POP4: variants seen among roughly 807,000 people sequenced by gnomAD.
POP4 encodes the protein ribonuclease P protein subunit p29.
In POP4, 31 loss-of-function variants were observed where a neutral mutation model predicts 29.9. The ratio of observed to expected loss-of-function variants is 1.04; its 90% confidence interval spans 0.78 to 1.40. The LOEUF (loss-of-function observed/expected upper bound fraction) is 1.40, where lower values mean the gene tolerates loss of function less well. Among genes scored for constraint, POP4 ranks in the 40% most tolerant of loss-of-function variants. The probability of loss-of-function intolerance (pLI) is 0.00; values close to 1 mark genes in which losing one functional copy is unlikely to be tolerated. For missense variants in POP4, 286 were observed against 282.7 expected (o/e 1.01, Z -0.08); for synonymous variants, 110 against 108.2 (o/e 1.02, Z -0.10).
At chr19:29,615,167 T>C in intron 6 of POP4, 77 bp from the exon 7 acceptor site, 1 of 1,417,280 alleles carries the variant, frequency 7.1e-7, no homozygotes, top group Non-Finnish European at 9.3e-7. Flanking sequence ...CTGAATAATA[T>C]TCTACCTAAA....
chr19:29,608,931 G>C (rs1971035088), intron 2 of POP4: 4 of 520,842 alleles, frequency 7.7e-6, no homozygotes, highest in Non-Finnish European at 6.9e-6. Flanking sequence ...GTAAAATGAG[G>C]CTTTCCTTAA....
chr19:29,611,504 G>A (rs967784401), intron 3 of POP4: 2 of 233,574 alleles, frequency 8.6e-6, no homozygotes, highest in South Asian at 5.3e-5. Context: ...GAGGACCTGC[G>A]TGACAACCAG....
intron 3 of POP4, 179 bp from the exon 4 acceptor site, chr19:29,611,683 G>T: frequency 1.7e-6 from 1 of 602,530 alleles, no homozygotes. Context: ...ACTGAGGTTA[G>T]AGAGGTGTAG....
chr19:29,608,555 C>T, intron 1 of POP4, 102 bp from the exon 2 acceptor site: 2 of 1,180,676 alleles, frequency 1.7e-6, no homozygotes, highest in Admixed American at 3.5e-5. Flanking sequence ...CAGGTATGAG[C>T]CACTGCGCCT....
intron 1 of POP4, among the ~76,000 whole-genome samples, chr19:29,607,508 C>T (rs1971013762): frequency 6.6e-6 from 1 of 151,960 alleles, no homozygotes; most frequent in Non-Finnish European, 1.5e-5. Context: ...CAAACATTCT[C>T]AGGGAAGTAC....
chr19:29,608,370 G>A (rs891689505), intron 1 of POP4, among the ~76,000 whole-genome samples: 14 of 146,330 alleles, frequency 9.6e-5, no homozygotes, highest in African/African-American at 2.3e-4. Flanking sequence ...AGGTTCCAGC[G>A]ATTCTCCTGC....
At chr19:29,611,965 T>C (rs758469105) in intron 4 of POP4, 26 bp downstream of exon 4, 1 of 1,608,550 alleles carries the variant, frequency 6.2e-7, no homozygotes, top group African/African-American at 1.3e-5. Context: ...GAAGCTTTGC[T>C]CTTTGGGGTG....
intron 1 of POP4, chr19:29,606,533 TG>T: frequency 1.9e-6 from 1 of 530,814 alleles, no homozygotes; most frequent in Non-Finnish European, 3.2e-6. Context: ...ATGTCAGGGC[TG>T]GAGGCAGGTT....
At position 29,611,751 on chromosome 19, in the gene POP4, A is replaced by G. The variant is rs981135410; in HGVS notation, c.285-111A>G. 3.5e-5 allele frequency: 30 copies of G among 869,482 alleles called. No individual in the cohort carries two copies. The African/African-American group carries it at 4.2e-4, about 12-fold the overall frequency. The allele number at this position is 869,482 out of a possible 1,614,324, so 53.9% of individuals were successfully genotyped here. On this transcript the variant is annotated intron_variant, in intron 3 of 6. Coordinates refer to ENST00000585603, the MANE Select transcript of POP4 (RefSeq NM_006627.3). ...ATCGTCGGATTTGCACATAGTTCCT[A>G]ATGATCCCAGGTTGCAGTTGTTGGC...
chr19:29,611,741 C>G (rs1191363911), intron 3 of POP4, 121 bp from the exon 4 acceptor site: 1 of 800,752 alleles, frequency 1.2e-6, no homozygotes. Context: ...CGGATTTGCA[C>G]ATAGTTCCTA....
At position 29,615,373 on chromosome 19, in the gene POP4, A is replaced by G. The variant is rs34601920; in HGVS notation, c.656A>G (p.Asp219Gly). The change falls in exon 7 of 7, where the codon GAC becomes GGC. Residue 219 changes from aspartate (D) to glycine (G), a missense_variant. Physicochemically the swap from Asp to Gly is moderately conservative, Grantham distance 94. Transcript: ENST00000585603. ...AAGTTCAAAGCGAAGGGAACGATTGACCTGTGAATTCTTTGCCGTCTAAGG... is the reference window on the plus strand; with the variant it reads ...AAGTTCAAAGCGAAGGGAACGATTGGCCTGTGAATTCTTTGCCGTCTAAGG... ...AKKFKAKGTI[D>G]L 160 of 1,612,284 alleles carry G rather than the reference A, an allele frequency of 9.9e-5. 2 individuals carry two copies. In the African/African-American group the frequency reaches 1.7e-3, roughly 17 times the overall value.
At chr19:29,610,110 A>C (rs759066911) in intron 2 of POP4, 24 of 397,618 alleles carry the variant, frequency 6.0e-5, no homozygotes, top group Non-Finnish European at 1.0e-4. Context: ...TCTTCAAGAT[A>C]GAAAGGTTTT....
chr19:29,615,347 G>A lies in POP4; in HGVS notation c.630G>A (p.Lys210=). The change falls in exon 7 of 7, where the codon AAG becomes AAA. Residue 210 remains lysine (K), a synonymous_variant. Transcript: ENST00000585603. The part of the protein sequence containing the change: ...FQLRSSERSA[K]KFKAKGTIDL The stretch of plus-strand genomic sequence containing the variant: ...TTCGGTCAAGTGAACGGTCTGCGAA[G>A]AAGTTCAAAGCGAAGGGAACGATTG... The A allele has an allele frequency of 6.2e-7, 1 of 1,613,316 alleles. No homozygotes were observed. The highest frequency in any genetic ancestry group is 8.5e-7 in the Non-Finnish European group (1 of 1,179,830).
chr19:29,606,406 G>T, intron 1 of POP4, 81 bp downstream of exon 1: 1 of 1,458,914 alleles, frequency 6.9e-7, no homozygotes, highest in Non-Finnish European at 9.1e-7. Flanking sequence ...ATGGGTCCGG[G>T]CTACCTGTTG....
intron 6 of POP4, 102 bp from the exon 7 acceptor site, chr19:29,615,142 T>A: frequency 7.6e-7 from 1 of 1,324,154 alleles, no homozygotes; most frequent in African/African-American, 1.5e-5. Flanking sequence ...GCTTATTTTT[T>A]TCATTCAATG....
Position 29,611,944 on chromosome 19 carries a change from G to T in POP4, c.362+5G>T. ...CAGTGGGCTCAAGCCAGACACGTAAGTTGCATTCCTGAAGCTTTGCTCTTT... is the reference window on the plus strand; with the variant it reads ...CAGTGGGCTCAAGCCAGACACGTAATTTGCATTCCTGAAGCTTTGCTCTTT... On this transcript the variant is annotated splice_donor_5th_base_variant and intron_variant, in intron 4 of 6. Coordinates refer to ENST00000585603, the MANE Select transcript of POP4 (RefSeq NM_006627.3). 6.2e-7 allele frequency: 1 copy of T among 1,613,434 alleles called. No homozygotes were observed. The highest frequency in any genetic ancestry group is 8.5e-7 in the Non-Finnish European group (1 of 1,179,358).
Position 29,615,674 on chromosome 19 carries a change from G to A in POP4, c.*294G>A, listed in dbSNP as rs1971122331. The stretch of plus-strand genomic sequence containing the variant: ...GGTTAACACTGGTTGACTTGAATAG[G>A]ATTATTCGATTTTTAAAAATACTTT... On this transcript the variant is annotated 3_prime_UTR_variant, in exon 7 of 7. Coordinates refer to ENST00000585603, the MANE Select transcript of POP4 (RefSeq NM_006627.3). 3.4e-6 allele frequency: 1 copy of A among 291,654 alleles called. No homozygotes were observed. Among genetic ancestry groups the A allele is most frequent in the Non-Finnish European group, 6.4e-6 (1 of 156,228 alleles). 18.1% of individuals were successfully genotyped at this position (291,654 alleles called of 1,614,324 possible).
chr19:29,606,700 G>C (rs552661260), intron 1 of POP4, among the ~76,000 whole-genome samples: 1 of 152,296 alleles, frequency 6.6e-6, no homozygotes, highest in Non-Finnish European at 1.5e-5. Flanking sequence ...GCCGAGAGCT[G>C]CTGGGGAATG....
chr19:29,610,662 C>T (rs749411217), intron 3 of POP4, 30 bp downstream of exon 3: 17 of 1,601,340 alleles, frequency 1.1e-5, no homozygotes, highest in Middle Eastern at 1.8e-4. Flanking sequence ...TCTTTCTGCC[C>T]GCGGTGCTTA....
Sources: gnomAD v4.1 joint callset for allele counts (sites outside exome capture counted in the v4.1 genomes callset) on GRCh38, gnomAD v4.1.1 for gene constraint, MANE v1.5 for transcripts, NCBI Gene and HGNC (gene_info 2026-07-23, HGNC 2026-07-21) for gene names.